EPHX2: variants seen among roughly 807,000 people sequenced by gnomAD.
The protein encoded by EPHX2 is epoxide hydrolase 2.
Under a neutral mutation model 78.7 loss-of-function variants are expected in EPHX2, and 74 were observed. The ratio of observed to expected loss-of-function variants is 0.94; its 90% CI spans 0.78 to 1.14. EPHX2 has a LOEUF of 1.14. Among genes scored for constraint, EPHX2 ranks in the 50% most tolerant of loss-of-function variants. The pLI is 0.00. For synonymous variants in EPHX2, 251 were observed against 255.2 expected (o/e 0.98, Z 0.16); for missense variants, 715 against 702.5 (o/e 1.02, Z -0.20).
intron 14 of EPHX2, among the ~76,000 whole-genome samples, chr8:27,540,317 C>T (rs17057333): frequency 0.028 from 4,310 of 152,074 alleles, 221 homozygotes; most frequent in African/African-American, 0.097. Flanking sequence ...GATAATAGCC[C>T]GTGAAGTCGT....
chr8:27,522,353 T>G lies in EPHX2; in HGVS notation c.973-70T>G, dbSNP rs72475886. Reference sequence around the variant, plus strand: ...ACCCTGGTGTCGAGGGGCTGGCTGATGGCCGAACCTCTCAGCACCCCGTTC... The same window carrying G: ...ACCCTGGTGTCGAGGGGCTGGCTGAGGGCCGAACCTCTCAGCACCCCGTTC... On this transcript the variant is annotated intron_variant, in intron 10 of 18. Coordinates refer to ENST00000521400, the MANE Select transcript of EPHX2 (RefSeq NM_001979.6). The G allele has an allele frequency of 1.9e-5, 28 of 1,508,176 alleles. No individual in the cohort carries two copies. In the African/African-American group the frequency reaches 3.2e-4, roughly 17 times the overall value. The allele number at this position is 1,508,176 out of a possible 1,614,324, so 93.4% of individuals were successfully genotyped here.
At chr8:27,546,984 C>T (rs1010687806), downstream of EPHX2, among the ~76,000 whole-genome samples, 11 of 152,214 alleles carry the variant, frequency 7.2e-5, no homozygotes, top group Admixed American at 5.2e-4. Context: ...GTGTCTAGAA[C>T]AGGAGGGAGA....
rs771451583 is a variant in EPHX2, at chr8:27,503,781, G to T, written c.346+18G>T. 6.2e-7 allele frequency: 1 copy of T among 1,604,510 alleles called. No homozygotes were observed. The stretch of plus-strand genomic sequence containing the variant: ...GAAGAAAGGTAAGGATCTGATACTG[G>T]CCAATCTCAGGCCGAACCACCCAGA... On this transcript the variant is annotated intron_variant, in intron 3 of 18. Transcript: ENST00000521400.
At chr8:27,508,855 C>G (rs1585194773) in intron 5 of EPHX2, among the ~76,000 whole-genome samples, 1 of 150,018 alleles carries the variant, frequency 6.7e-6, no homozygotes, top group Admixed American at 6.6e-5. Flanking sequence ...ACCTCCAGAA[C>G]TTTTTCATCT....
intron 2 of EPHX2, among the ~76,000 whole-genome samples, chr8:27,501,234 A>G (rs1813756387): frequency 6.6e-6 from 1 of 152,202 alleles, no homozygotes; most frequent in Non-Finnish European, 1.5e-5. Flanking sequence ...TATTGGGAAG[A>G]ACATTATTGA....
chr8:27,515,858 G>T, intron 7 of EPHX2, 45 bp downstream of exon 7: 1 of 1,552,198 alleles, frequency 6.4e-7, no homozygotes, highest in Non-Finnish European at 8.9e-7. Flanking sequence ...TGAGGTTGGG[G>T]GAGTCTAGAT....
rs1157089329 is a variant in EPHX2, at chr8:27,515,709, C to G, written c.736-9C>G. 1.2e-6 allele frequency: 2 copies of G among 1,613,302 alleles called. No homozygotes were observed. Among genetic ancestry groups the G allele is most frequent in the Non-Finnish European group, 1.7e-6 (2 of 1,179,712 alleles). On this transcript the variant is annotated splice_polypyrimidine_tract_variant and intron_variant, in intron 6 of 18. Transcript: ENST00000521400. ...TTGGTCGCTGCCCTCTCCTCTTTCC[C>G]TTCCACAGCCCAGGGTCCGTCTGCA...
intron 2 of EPHX2, 123 bp downstream of exon 2, chr8:27,501,133 T>C: frequency 1.3e-6 from 1 of 774,266 alleles, no homozygotes; most frequent in Non-Finnish European, 2.1e-6. Context: ...ACAAATGTTG[T>C]TTTAATGGTA....
At chr8:27,519,880 G>A (rs1814585548) in intron 9 of EPHX2, among the ~76,000 whole-genome samples, 1 of 152,184 alleles carries the variant, frequency 6.6e-6, no homozygotes, top group Admixed American at 6.5e-5. Context: ...CCTAGGTCTG[G>A]CCAACAAAGG....
intron 1 of EPHX2, among the ~76,000 whole-genome samples, chr8:27,497,884 G>T (rs1436559660): frequency 6.6e-6 from 1 of 152,176 alleles, no homozygotes; most frequent in Non-Finnish European, 1.5e-5. Flanking sequence ...TCCCAGTGGA[G>T]ATCCATACTG....
Position 27,525,432 on chromosome 8 carries a change from G to A in EPHX2, c.1129G>A (p.Ala377Thr), listed in dbSNP as rs148677997. The A allele has an allele frequency of 1.9e-4, 309 of 1,614,144 alleles. No individual in the cohort carries two copies. Among genetic ancestry groups the A allele is most frequent in the Admixed American group, 8.7e-4 (52 of 60,024 alleles). The stretch of plus-strand genomic sequence containing the variant: ...CATGTCCCCTTTGGAGAGTATCAAA[G>A]CCAACCCAGTATTTGATTACCAGCT... ...PNMSPLESIK[A>T]NPVFDYQLYF... is the part of the protein sequence containing the mutation. Residue 377 changes from alanine to threonine, a missense_variant, in exon 12 of 19, where the codon GCC (alanine) becomes ACC (threonine). Coordinates refer to ENST00000521400, the MANE Select transcript of EPHX2 (RefSeq NM_001979.6).
In EPHX2 at chr8:27,518,042, A is replaced by G. The variant is rs796444961; in HGVS notation, c.915A>G (p.Ile305Met). Residue 305 changes from isoleucine (I) to methionine (M), a missense_variant, in exon 9 of 19, where the codon ATA becomes ATG. Coordinates refer to ENST00000521400, the MANE Select transcript of EPHX2 (RefSeq NM_001979.6). ...TTCTTTTATTTTTAATTGCAGAAAT[A>G]GAAGAATATTGCATGGAAGTGTTAT... ...GYGESSAPPE[I>M]EEYCMEVLCK... is the part of the protein sequence containing the mutation. 1 of 1,594,278 alleles carries G rather than the reference A, an allele frequency of 6.3e-7. No homozygotes were observed. The highest frequency in any genetic ancestry group is 1.1e-5 in the South Asian group (1 of 87,364).
intron 8 of EPHX2, among the ~76,000 whole-genome samples, chr8:27,516,628 C>G (rs1436886771): frequency 1.3e-5 from 2 of 152,158 alleles, no homozygotes; most frequent in Non-Finnish European, 2.9e-5. Flanking sequence ...GGCTCATGCT[C>G]CAAGGGATCT....
chr8:27,491,399 T>G, intron 1 of EPHX2, 90 bp downstream of exon 1: 4 of 985,142 alleles, frequency 4.1e-6, no homozygotes, highest in African/African-American at 1.7e-5. Context: ...AGATTGCTCC[T>G]GTGCCGGAGC....
intron 1 of EPHX2, among the ~76,000 whole-genome samples, chr8:27,496,516 GGT>G (rs1198264021): frequency 6.6e-6 from 1 of 152,120 alleles, no homozygotes; most frequent in African/African-American, 2.4e-5. Flanking sequence ...TGCTTCCTCT[GGT>G]ATTTGAGAGA....
rs917690462 is a variant in EPHX2 at position 27,540,591 on chromosome 8, C to T, written c.1314C>T (p.Leu438=). The change falls in exon 15 of 19, where the codon CTC becomes CTT. Residue 438 remains leucine (L), a synonymous_variant. Coordinates refer to ENST00000521400, the MANE Select transcript of EPHX2 (RefSeq NM_001979.6). ...TAAATAGCCCAGAAGAGCCCAGCCTCAGCAGGATGGTCACTGAGGAGGAAA... is the reference window on the plus strand; with the variant it reads ...TAAATAGCCCAGAAGAGCCCAGCCTTAGCAGGATGGTCACTGAGGAGGAAA... ...LFVNSPEEPS[L]SRMVTEEEIQ... 5 of 1,614,046 alleles carry T rather than the reference C, an allele frequency of 3.1e-6. No homozygotes were observed. Among genetic ancestry groups the T allele is most frequent in the Non-Finnish European group, 2.5e-6 (3 of 1,180,018 alleles).
chr8:27,522,314 G>A, intron 10 of EPHX2, 109 bp from the exon 11 acceptor site: 1 of 949,508 alleles, frequency 1.1e-6, no homozygotes, highest in Admixed American at 2.1e-5. Flanking sequence ...AGCTGCTGTG[G>A]GTCGGGGGAG....
Position 27,515,771 on chromosome 8 carries a change from C to T in EPHX2, c.789C>T (p.Leu263=). Residue 263 remains leucine (L), a synonymous_variant, in exon 7 of 19, where the codon CTC becomes CTT. Coordinates refer to ENST00000521400, the MANE Select transcript of EPHX2 (RefSeq NM_001979.6). The part of the protein sequence containing the change: ...VELGSGPAVC[L]CHGFPESWYS... ...TGGGCTCCGGCCCTGCTGTGTGCCT[C>T]TGCCATGGATTTCCCGAGAGTTGGT... 6.2e-7 allele frequency: 1 copy of T among 1,614,118 alleles called. No individual in the cohort carries two copies. The highest frequency in any genetic ancestry group is 8.5e-7 in the Non-Finnish European group (1 of 1,180,036).
At chr8:27,518,226 A>G (rs1352837639) in intron 9 of EPHX2, among the ~76,000 whole-genome samples, 154 bp downstream of exon 9, 6 of 152,190 alleles carry the variant, frequency 3.9e-5, no homozygotes, top group African/African-American at 1.4e-4. Flanking sequence ...TCCAAATGAT[A>G]GCCCACATGT....
Sources: allele counts gnomAD v4.1 joint callset (sites outside exome capture counted in the v4.1 genomes callset), GRCh38; gene constraint gnomAD v4.1.1; transcripts MANE v1.5; gene names NCBI Gene and HGNC (gene_info 2026-07-23, HGNC 2026-07-21).